Variants in BICC1 observed in about 807,000 individuals in gnomAD.
The protein encoded by BICC1 is BicC family RNA binding protein 1, also known as protein bicaudal C homolog 1.
A neutral mutation model predicts 111.0 loss-of-function variants in BICC1; 43 were observed. The observed-to-expected ratio is 0.39, with a 90% CI of 0.30 to 0.50. The LOEUF is 0.50. BICC1 is among the 20% of genes least tolerant of loss of function. The pLI, the probability that BICC1 is intolerant of heterozygous loss-of-function variation, is 0.88. For missense variants in BICC1, 1,091 were observed against 1,203.2 expected (o/e 0.91, Z 1.38); for synonymous variants, 467 against 434.4 (o/e 1.07, Z -0.93).
intron 1 of BICC1, among the ~76,000 whole-genome samples, chr10:58,577,611 C>G (rs948770052): frequency 3.3e-5 from 5 of 152,170 alleles, no homozygotes; most frequent in Admixed American, 3.3e-4. Flanking sequence ...TAGCAAACCA[C>G]TAATGCCAGA....
chr10:58,805,228 G>T (rs1235882027), intron 15 of BICC1, among the ~76,000 whole-genome samples: 1 of 152,144 alleles, frequency 6.6e-6, no homozygotes, highest in Non-Finnish European at 1.5e-5. Context: ...AAGAGGTGGA[G>T]GTTGCAGTGA....
chr10:58,827,100 C>T (rs73306957), intron 20 of BICC1, among the ~76,000 whole-genome samples: 3,250 of 152,304 alleles, frequency 0.021, 79 homozygotes, highest in African/African-American at 0.064. Context: ...TGTTTAACAT[C>T]AGAGTCGTCA....
intron 1 of BICC1, among the ~76,000 whole-genome samples, chr10:58,603,790 G>A (rs775512746): frequency 6.6e-5 from 10 of 152,022 alleles, no homozygotes; most frequent in Non-Finnish European, 1.3e-4. Context: ...TATCAGGAGT[G>A]GGAGGCCAAT....
At chr10:58,653,557 T>A (rs1838519543) in intron 2 of BICC1, among the ~76,000 whole-genome samples, 1 of 152,160 alleles carries the variant, frequency 6.6e-6, no homozygotes, top group African/African-American at 2.4e-5. Flanking sequence ...TATGTGAAGT[T>A]TGGACTCAAA....
chr10:58,602,141 A>G (rs1229018203), intron 1 of BICC1, among the ~76,000 whole-genome samples: 1 of 152,180 alleles, frequency 6.6e-6, no homozygotes, highest in African/African-American at 2.4e-5. Flanking sequence ...CAAAGTAAAC[A>G]AAGTAGGAAA....
rs534901622 is a variant in BICC1, at chr10:58,702,005, G to A, written c.238-69G>A. On this transcript the variant is annotated intron_variant, in intron 2 of 20. Coordinates refer to ENST00000373886, the MANE Select transcript of BICC1 (RefSeq NM_001080512.3). ...GGAACTTGAAAATAAACTTTTTTGT[G>A]TGTGAAAAATCTTATCTGTAAATAC... The A allele has an allele frequency of 1.9e-5, 22 of 1,174,930 alleles. No individual in the cohort carries two copies. In the East Asian group the frequency reaches 5.6e-4, roughly 30 times the overall value. The allele number at this position is 1,174,930 out of a possible 1,614,324, so 72.8% of individuals were successfully genotyped here.
intron 2 of BICC1, among the ~76,000 whole-genome samples, chr10:58,657,889 A>G (rs1465965251): frequency 2.0e-5 from 3 of 152,148 alleles, no homozygotes; most frequent in African/African-American, 7.2e-5. Context: ...TCCCCAGTTG[A>G]TATGTCTTCA....
At chr10:58,769,404 G>GTATATATATATATATATATATATATATA (rs59606054) in intron 3 of BICC1, among the ~76,000 whole-genome samples, 7 of 109,750 alleles carry the variant, frequency 6.4e-5, no homozygotes, top group East Asian at 3.1e-4. Flanking sequence ...GTGTGTGTGT[G>GTATATATATATATATATATATATATATA]TATATATATA....
At chr10:58,662,057 T>A (rs749133824) in intron 2 of BICC1, among the ~76,000 whole-genome samples, 1 of 152,146 alleles carries the variant, frequency 6.6e-6, no homozygotes, top group Non-Finnish European at 1.5e-5. Flanking sequence ...TGCAGTGAGG[T>A]CCTTTGAGAG....
intron 1 of BICC1, among the ~76,000 whole-genome samples, chr10:58,601,784 A>G (rs1845048552): frequency 6.6e-6 from 1 of 152,158 alleles, no homozygotes; most frequent in East Asian, 1.9e-4. Flanking sequence ...CAACTGAGGT[A>G]AAATCTTTTA....
At chr10:58,606,442 T>G (rs1426025522) in intron 1 of BICC1, among the ~76,000 whole-genome samples, 2 of 144,222 alleles carry the variant, frequency 1.4e-5, no homozygotes, top group African/African-American at 2.6e-5. Flanking sequence ...GGGATAGCAT[T>G]GGGAGATATA....
At chr10:58,631,791 G>A (rs566932713) in intron 2 of BICC1, among the ~76,000 whole-genome samples, 4 of 152,216 alleles carry the variant, frequency 2.6e-5, no homozygotes, top group African/African-American at 7.2e-5. Flanking sequence ...CAATTTCCAC[G>A]TGCCTGTTTA....
At chr10:58,820,184 A>G (rs1485838336) in intron 19 of BICC1, among the ~76,000 whole-genome samples, 185 bp from the exon 20 acceptor site, 1 of 152,124 alleles carries the variant, frequency 6.6e-6, no homozygotes, top group Admixed American at 6.6e-5. Flanking sequence ...GTCTTCTGCT[A>G]GAATCATCAT....
chr10:58,767,151 A>G (rs1842480011), intron 3 of BICC1, among the ~76,000 whole-genome samples: 1 of 151,942 alleles, frequency 6.6e-6, no homozygotes, highest in African/African-American at 2.4e-5. Flanking sequence ...ATTCTGATGC[A>G]CATTCCTTGG....
chr10:58,823,678 T>C (rs1844315279), intron 20 of BICC1: 1 of 983,714 alleles, frequency 1.0e-6, no homozygotes, highest in Admixed American at 6.2e-5. Flanking sequence ...GCCTCATTCC[T>C]TTTTTTTCTT....
intron 1 of BICC1, among the ~76,000 whole-genome samples, chr10:58,563,424 G>A (rs148069433): frequency 4.6e-5 from 7 of 152,124 alleles, no homozygotes; most frequent in African/African-American, 9.7e-5. Context: ...TGGTGGCAAC[G>A]GAGGCTACCT....
At chr10:58,596,553 C>T (rs564200092) in intron 1 of BICC1, among the ~76,000 whole-genome samples, 1 of 152,264 alleles carries the variant, frequency 6.6e-6, no homozygotes, top group South Asian at 2.1e-4. Context: ...ATTGGAAGTT[C>T]TGGCCAGGGC....
intron 3 of BICC1, among the ~76,000 whole-genome samples, chr10:58,737,368 G>C (rs968845506): frequency 6.6e-6 from 1 of 152,064 alleles, no homozygotes; most frequent in African/African-American, 2.4e-5. Context: ...TTGTCCTTGC[G>C]ATAGTTTGCT....
chr10:58,667,010 T>C (rs1189246691), intron 2 of BICC1, among the ~76,000 whole-genome samples: 2 of 152,124 alleles, frequency 1.3e-5, no homozygotes, highest in African/African-American at 4.8e-5. Flanking sequence ...CACTTTTCAA[T>C]AATGATCTAG....
Sources: gnomAD v4.1 joint callset for allele counts (sites outside exome capture counted in the v4.1 genomes callset) on GRCh38, gnomAD v4.1.1 for gene constraint, MANE v1.5 for transcripts, NCBI Gene and HGNC (gene_info 2026-07-23, HGNC 2026-07-21) for gene names.